The following COBL variants were observed in gnomAD, a reference collection of about 807,000 sequenced individuals.
COBL encodes cordon-bleu WH2 repeat protein.
A neutral mutation model predicts 98.8 loss-of-function variants in COBL; 51 were observed. The ratio of observed to expected loss-of-function variants is 0.52; its 90% CI spans 0.41 to 0.65. The LOEUF (loss-of-function observed/expected upper bound fraction) is 0.65. Ranked by LOEUF, COBL falls within the 30% of genes least tolerant of loss-of-function variation. The pLI, the probability that COBL is intolerant of heterozygous loss-of-function variation, is 0.00. For synonymous variants in COBL, 634 were observed against 651.7 expected (o/e 0.97, Z 0.41); for missense variants, 1,617 against 1,617.5 (o/e 1.00, Z 0.01).
intron 2 of COBL, among the ~76,000 whole-genome samples, chr7:51,207,047 G>T (rs534986450): frequency 6.6e-6 from 1 of 152,224 alleles, no homozygotes; most frequent in East Asian, 1.9e-4. Flanking sequence ...ACACACACAA[G>T]TCTGTAAAGT....
At chr7:51,091,471 T>C (rs188607728) in intron 6 of COBL, among the ~76,000 whole-genome samples, 2 of 152,064 alleles carry the variant, frequency 1.3e-5, no homozygotes, top group Admixed American at 6.5e-5. Flanking sequence ...CAGTTGAAAT[T>C]ATTGAGTAAA....
intron 1 of COBL, among the ~76,000 whole-genome samples, chr7:51,279,658 A>G (rs1031751185): frequency 2.6e-4 from 40 of 152,168 alleles, no homozygotes; most frequent in African/African-American, 9.7e-4. Flanking sequence ...CACAACCTAC[A>G]TTAAGGTTCA....
intron 5 of COBL, among the ~76,000 whole-genome samples, chr7:51,159,499 T>C (rs1441478538): frequency 1.3e-5 from 2 of 152,196 alleles, no homozygotes; most frequent in Admixed American, 6.5e-5. Context: ...CTTAAATCCA[T>C]GTGCAGGCAA....
At chr7:51,311,625 C>T (rs1435205025) in intron 1 of COBL, among the ~76,000 whole-genome samples, 1 of 152,072 alleles carries the variant, frequency 6.6e-6, no homozygotes, top group Non-Finnish European at 1.5e-5. Flanking sequence ...GTAGGCTTCC[C>T]ATCAATTCAG....
At chr7:51,248,468 G>A (rs914284404) in intron 1 of COBL, among the ~76,000 whole-genome samples, 3 of 152,238 alleles carry the variant, frequency 2.0e-5, no homozygotes, top group Admixed American at 2.0e-4. Context: ...ACTGTCAGAC[G>A]ATCCATTGGT....
At chr7:51,237,062 T>TCA (rs36031883) in intron 1 of COBL, among the ~76,000 whole-genome samples, 2 of 151,874 alleles carry the variant, frequency 1.3e-5, no homozygotes, top group South Asian at 4.2e-4. Context: ...TCTCCCTGAC[T>TCA]GCTTCTTTCA....
At chr7:51,076,778 T>C (rs972733454) in intron 7 of COBL, among the ~76,000 whole-genome samples, 1 of 152,208 alleles carries the variant, frequency 6.6e-6, no homozygotes, top group Non-Finnish European at 1.5e-5. Context: ...TTTTGTCAAT[T>C]ACCCTGTAAA....
At chr7:51,286,809 A>G in intron 1 of COBL, among the ~76,000 whole-genome samples, 1 of 152,222 alleles carries the variant, frequency 6.6e-6, no homozygotes, top group Non-Finnish European at 1.5e-5. Context: ...CATGCCACTC[A>G]TATGTTCACT....
chr7:51,281,213 C>T (rs937502089), intron 1 of COBL, among the ~76,000 whole-genome samples: 3 of 152,050 alleles, frequency 2.0e-5, no homozygotes, highest in African/African-American at 7.2e-5. Flanking sequence ...GACTCACTGA[C>T]TTTGCATACA....
intron 2 of COBL, among the ~76,000 whole-genome samples, chr7:51,194,632 T>C (rs1192591424): frequency 6.6e-6 from 1 of 152,164 alleles, no homozygotes; most frequent in Admixed American, 6.5e-5. Flanking sequence ...CTGTTGGTTT[T>C]TGACTTTTTC....
At chr7:51,160,425 G>A (rs535882711) in intron 5 of COBL, among the ~76,000 whole-genome samples, 2 of 152,212 alleles carry the variant, frequency 1.3e-5, no homozygotes, top group East Asian at 1.9e-4. Context: ...TTTGATTCAC[G>A]AATACATTTG....
chr7:51,033,119 G>GCAAAA (rs755861901), intron 8 of COBL: 6 of 151,906 alleles, frequency 3.9e-5, no homozygotes, highest in East Asian at 1.9e-4. Flanking sequence ...TTGCAAAATA[G>GCAAAA]CAAAACAAAA....
At chr7:51,305,578 G>A (rs1260697901) in intron 1 of COBL, among the ~76,000 whole-genome samples, 1 of 152,164 alleles carries the variant, frequency 6.6e-6, no homozygotes, top group Non-Finnish European at 1.5e-5. Flanking sequence ...ACATCATAAG[G>A]AGGATAAATT....
intron 1 of COBL, among the ~76,000 whole-genome samples, chr7:51,266,110 A>G (rs1798176899): frequency 6.6e-6 from 1 of 152,248 alleles, no homozygotes; most frequent in Non-Finnish European, 1.5e-5. Flanking sequence ...CTGCTAAAAC[A>G]TTTTAATTTT....
intron 1 of COBL, among the ~76,000 whole-genome samples, chr7:51,271,072 G>A (rs936913304): frequency 1.3e-5 from 2 of 152,196 alleles, no homozygotes; most frequent in African/African-American, 4.8e-5. Context: ...GAATGCTTGG[G>A]ACAGGCCGCC....
At chr7:51,254,895 T>C (rs533937363) in intron 1 of COBL, among the ~76,000 whole-genome samples, 3 of 152,356 alleles carry the variant, frequency 2.0e-5, no homozygotes, top group Admixed American at 6.5e-5. Flanking sequence ...GTTGATGTAC[T>C]GGTTTCTCAG....
At chr7:51,052,113 C>T (rs1485329222) in intron 7 of COBL, among the ~76,000 whole-genome samples, 1 of 152,110 alleles carries the variant, frequency 6.6e-6, no homozygotes, top group Non-Finnish European at 1.5e-5. Context: ...ATTTACCTAC[C>T]TCCTTATTTA....
intron 1 of COBL, among the ~76,000 whole-genome samples, chr7:51,307,756 G>A (rs955805674): frequency 5.3e-5 from 8 of 152,172 alleles, no homozygotes; most frequent in Admixed American, 5.2e-4. Flanking sequence ...TTTGATTATG[G>A]CTTGTGCCGT....
chr7:51,277,784 C>G (rs964534717), intron 1 of COBL, among the ~76,000 whole-genome samples: 2 of 152,116 alleles, frequency 1.3e-5, no homozygotes, highest in Admixed American at 6.6e-5. Flanking sequence ...ATTGTGAGAG[C>G]AGGGGGCACA....
Sources: gnomAD v4.1 joint callset for allele counts (sites outside exome capture counted in the v4.1 genomes callset) on GRCh38, gnomAD v4.1.1 for gene constraint, MANE v1.5 for transcripts, NCBI Gene and HGNC (gene_info 2026-07-23, HGNC 2026-07-21) for gene names.